MAP3K20: variants seen among roughly 807,000 people sequenced by gnomAD.
MAP3K20 encodes HCCS-4.
Under a neutral mutation model 85.7 loss-of-function variants are expected in MAP3K20, and 40 were observed. The ratio of observed to expected loss-of-function variants is 0.47; its 90% CI spans 0.36 to 0.61. The LOEUF (loss-of-function observed/expected upper bound fraction) is 0.61. Among genes scored for constraint, MAP3K20 ranks in the 20% least tolerant of loss-of-function variants. The pLI, the probability that MAP3K20 is intolerant of heterozygous loss-of-function variation, is 0.00. For synonymous variants in MAP3K20, 325 were observed against 327.7 expected, an observed-to-expected ratio of 0.99 and a Z score of 0.09; for missense variants, 817 against 961.7, an observed-to-expected ratio of 0.85 and a Z score of 1.99.
At chr2:173,244,533 C>G (rs1274580270) in intron 16 of MAP3K20, among the ~76,000 whole-genome samples, 7 of 152,132 alleles carry the variant, frequency 4.6e-5, no homozygotes, top group South Asian at 2.1e-4. Context: ...TATGACTTGC[C>G]TGGGATGAGG....
intron 1 of MAP3K20, 110 bp from the exon 2 acceptor site, chr2:173,090,887 CT>C (rs1218465185): frequency 8.7e-6 from 12 of 1,373,780 alleles, no homozygotes; most frequent in East Asian, 2.6e-5. Flanking sequence ...GTCACCGTGA[CT>C]TTCTGGAAGT....
intron 2 of MAP3K20, among the ~76,000 whole-genome samples, chr2:173,134,003 A>C (rs1220974762): frequency 6.0e-5 from 9 of 150,510 alleles, no homozygotes; most frequent in African/African-American, 4.9e-5. Flanking sequence ...AAAACAAAAA[A>C]CAAAAAACAA....
chr2:173,092,101 G>T (rs1468096796), intron 2 of MAP3K20, among the ~76,000 whole-genome samples: 1 of 152,104 alleles, frequency 6.6e-6, no homozygotes, highest in Non-Finnish European at 1.5e-5. Flanking sequence ...CATAGCAATT[G>T]ATTAGAGAAG....
At chr2:173,144,462 C>CAAAAAAAAAAAA (rs71018537) in intron 2 of MAP3K20, among the ~76,000 whole-genome samples, 21 of 92,850 alleles carry the variant, frequency 2.3e-4, no homozygotes, top group African/African-American at 3.1e-4. Flanking sequence ...GACTCCGTCT[C>CAAAAAAAAAAAA]AAAAAAAAAA....
At chr2:173,261,979 T>C (rs548138898) in intron 18 of MAP3K20, among the ~76,000 whole-genome samples, 2 of 150,824 alleles carry the variant, frequency 1.3e-5, no homozygotes, top group East Asian at 2.0e-4. Flanking sequence ...ATCACACCAC[T>C]GCACTCCAGC....
At chr2:173,215,383 T>TC (rs34135471) in intron 10 of MAP3K20, among the ~76,000 whole-genome samples, 2 of 151,954 alleles carry the variant, frequency 1.3e-5, no homozygotes, top group Non-Finnish European at 2.9e-5. Flanking sequence ...CACGTTTTTT[T>TC]CCCCTCAGTC....
chr2:173,144,179 G>A (rs1210667887), intron 2 of MAP3K20, among the ~76,000 whole-genome samples: 1 of 151,562 alleles, frequency 6.6e-6, no homozygotes, highest in Non-Finnish European at 1.5e-5. Flanking sequence ...AAGAAAGAAA[G>A]AAGGCCGGGT....
chr2:173,183,883 A>C (rs1690405324), intron 4 of MAP3K20, among the ~76,000 whole-genome samples: 1 of 152,192 alleles, frequency 6.6e-6, no homozygotes, highest in South Asian at 2.1e-4. Flanking sequence ...CAAAAGTAGC[A>C]GTCTTTCCTT....
chr2:173,075,769 G>T, upstream of MAP3K20: 3 of 985,396 alleles, frequency 3.0e-6, no homozygotes, highest in Non-Finnish European at 3.6e-6. Flanking sequence ...CGCCCCGCTC[G>T]CCCGCGCGTG....
In MAP3K20 at chr2:173,238,360, ATTTT is replaced by A; in HGVS notation, c.1204-8_1204-5del. ...ACTGGATCATTAATAAAGTCATATG[ATTTT>A]TTTTACAGTCAGCCATTGAGAAATT... is the stretch of plus-strand genomic sequence containing the variant. On this transcript the variant is annotated splice_polypyrimidine_tract_variant and intron_variant, in intron 14 of 19. Coordinates refer to ENST00000375213, the MANE Select transcript of MAP3K20 (RefSeq NM_016653.3). 1 of 1,604,936 alleles carries A rather than the reference ATTTT, an allele frequency of 6.2e-7. No individual in the cohort carries two copies. Among genetic ancestry groups the A allele is most frequent in the Non-Finnish European group, 8.5e-7 (1 of 1,173,140 alleles).
chr2:173,174,486 C>G (rs977161290), intron 3 of MAP3K20, among the ~76,000 whole-genome samples: 7 of 152,140 alleles, frequency 4.6e-5, no homozygotes, highest in Admixed American at 4.6e-4. Context: ...TGTTAGTTTG[C>G]TGAGAATGAT....
intron 2 of MAP3K20, among the ~76,000 whole-genome samples, chr2:173,114,212 T>G (rs1290659221): frequency 2.6e-5 from 4 of 152,234 alleles, no homozygotes; most frequent in African/African-American, 9.6e-5. Flanking sequence ...TAGCTACCCC[T>G]GCTTGCTTTT....
chr2:173,143,627 C>G (rs1689040321), intron 2 of MAP3K20, among the ~76,000 whole-genome samples: 1 of 152,158 alleles, frequency 6.6e-6, no homozygotes. Context: ...ACAAGGATAT[C>G]TGCTCTCATG....
intron 1 of MAP3K20, among the ~76,000 whole-genome samples, chr2:173,078,943 C>G (rs1313764764): frequency 2.6e-5 from 4 of 152,132 alleles, no homozygotes; most frequent in African/African-American, 7.2e-5. Context: ...CTTTCATACC[C>G]CTGATCCTCA....
intron 7 of MAP3K20, among the ~76,000 whole-genome samples, 195 bp downstream of exon 7, chr2:173,191,372 T>C (rs1251438382): frequency 6.6e-6 from 1 of 152,200 alleles, no homozygotes; most frequent in African/African-American, 2.4e-5. Context: ...GGAGTTATTT[T>C]GTCCTGTGTT....
chr2:173,134,422 A>ATTTTTTT (rs1254043752), intron 2 of MAP3K20, among the ~76,000 whole-genome samples: 23 of 6,158 alleles, frequency 3.7e-3, no homozygotes, highest in South Asian at 5.7e-3. Context: ...ATATATATAT[A>ATTTTTTT]TATATATTTT....
At chr2:173,127,763 G>C (rs746413749) in intron 2 of MAP3K20, among the ~76,000 whole-genome samples, 2 of 151,704 alleles carry the variant, frequency 1.3e-5, no homozygotes, top group South Asian at 2.1e-4. Context: ...AGACATAAAG[G>C]CTGCCCCATA....
chr2:173,263,400 AG>A (rs1363271926), intron 18 of MAP3K20, among the ~76,000 whole-genome samples: 1 of 152,244 alleles, frequency 6.6e-6, no homozygotes, highest in African/African-American at 2.4e-5. Context: ...TTAAACAAAG[AG>A]GTAAGTTGAG....
At chr2:173,207,954 C>A (rs778544960) in intron 9 of MAP3K20, among the ~76,000 whole-genome samples, 1 of 152,108 alleles carries the variant, frequency 6.6e-6, no homozygotes, top group Non-Finnish European at 1.5e-5. Flanking sequence ...TCTAGGGATG[C>A]TGGTCATCCA....
Sources: allele counts gnomAD v4.1 joint callset (sites outside exome capture counted in the v4.1 genomes callset), GRCh38; gene constraint gnomAD v4.1.1; transcripts MANE v1.5; gene names NCBI Gene and HGNC (gene_info 2026-07-23, HGNC 2026-07-21).